Variants in WIPI1 observed in about 807,000 individuals in gnomAD.
The protein encoded by WIPI1 is WD repeat domain phosphoinositide-interacting protein 1.
WIPI1 carries 45 observed loss-of-function variants against 55.3 expected under a neutral mutation model. That is an observed-to-expected ratio of 0.81 (90% confidence interval 0.64 to 1.04). The LOEUF (loss-of-function observed/expected upper bound fraction) is 1.04, where lower values mean the gene tolerates loss of function less well. WIPI1 is among the 50% of genes least tolerant of loss of function. The pLI, the probability that WIPI1 is intolerant of heterozygous loss-of-function variation, is 0.00. For synonymous variants in WIPI1, 195 were observed against 217.6 expected (o/e 0.90, Z 0.92); for missense variants, 445 against 559.0 (o/e 0.80, Z 2.06).
intron 4 of WIPI1, among the ~76,000 whole-genome samples, chr17:68,439,727 G>T (rs1303958716): frequency 1.3e-5 from 2 of 152,196 alleles, no homozygotes; most frequent in African/African-American, 4.8e-5. Context: ...CAAGACTGAG[G>T]TCTGCTATGT....
chr17:68,443,901 T>C (rs1434465507), intron 4 of WIPI1, among the ~76,000 whole-genome samples: 4 of 152,250 alleles, frequency 2.6e-5, no homozygotes, highest in African/African-American at 9.6e-5. Context: ...TGAATTCATA[T>C]AATGTCATCT....
chr17:68,424,404 C>T (rs1306276898), intron 12 of WIPI1: 4 of 532,438 alleles, frequency 7.5e-6, no homozygotes, highest in South Asian at 1.4e-5. Context: ...GAGGGTTCCA[C>T]GGATCTGCGG....
At chr17:68,453,479 CTTT>C (rs112934024) in intron 1 of WIPI1, among the ~76,000 whole-genome samples, 12 of 136,186 alleles carry the variant, frequency 8.8e-5, no homozygotes, top group Admixed American at 1.5e-4. Context: ...TTTTCTTTTC[CTTT>C]TTTTTTTTTT....
intron 3 of WIPI1, among the ~76,000 whole-genome samples, chr17:68,448,685 T>C (rs1477531052): frequency 6.6e-6 from 1 of 152,230 alleles, no homozygotes; most frequent in Non-Finnish European, 1.5e-5. Context: ...ACAGATCATT[T>C]GCCTAAACAA....
intron 12 of WIPI1, 131 bp downstream of exon 12, chr17:68,425,944 A>G (rs2083139237): frequency 1.4e-6 from 1 of 715,000 alleles, no homozygotes; most frequent in East Asian, 2.7e-5. Flanking sequence ...ATGGCTTTCC[A>G]AATACTAGAG....
intron 7 of WIPI1, among the ~76,000 whole-genome samples, 189 bp from the exon 8 acceptor site, chr17:68,433,764 T>G (rs1369218790): frequency 0.036 from 465 of 12,788 alleles, 14 homozygotes; most frequent in Non-Finnish European, 0.051. Context: ...GTCATAGTTT[T>G]TTTTTTTTTT....
In WIPI1 at chr17:68,430,012, T is replaced by C. The variant is rs1223198938; in HGVS notation, c.949A>G (p.Ile317Val). 1.2e-6 allele frequency: 2 copies of C among 1,614,152 alleles called. No individual in the cohort carries two copies. The highest frequency in any genetic ancestry group is 2.2e-5 in the South Asian group (2 of 91,080). Residue 317 changes from isoleucine to valine, a missense_variant, in exon 9 of 13, where the codon ATC becomes GTC. By Grantham distance (29) the Ile-to-Val change is conservative. Coordinates refer to ENST00000262139, the MANE Select transcript of WIPI1 (RefSeq NM_017983.7). ...TGTACGTACGTTGAGAGGGTACAGA[T>C]GTTCCTCTGTCCGGAGAAGTTCAAG... ...ARLNFSGQRN[I>V]CTLSTIQKLP... is the part of the protein sequence containing the mutation.
chr17:68,428,757 C>A lies in WIPI1; in HGVS notation c.1073+72G>T, dbSNP rs755713212. 4.2e-6 allele frequency: 5 copies of A among 1,204,056 alleles called. No individual in the cohort carries two copies. The Admixed American group carries it at 5.6e-5, about 13-fold the overall frequency. The allele number at this position is 1,204,056 out of a possible 1,614,324, so 74.6% of individuals were successfully genotyped here. A position where few individuals can be genotyped will look rare whatever the true frequency, so the allele number is the denominator to read the frequency against. On this transcript the variant is annotated intron_variant, in intron 10 of 12. Transcript: ENST00000262139. ...TCAATGCAAGGGCACTGAAGCTTGT[C>A]GTTCTTGGCGAAGGGACAACTCTAC...
intron 8 of WIPI1, among the ~76,000 whole-genome samples, chr17:68,432,250 G>A (rs879637270): frequency 1.3e-4 from 20 of 152,064 alleles, no homozygotes; most frequent in South Asian, 2.1e-4. Context: ...ATGAGGGGAC[G>A]TCAGTCCCAT....
At chr17:68,431,971 G>C (rs1278726234) in intron 8 of WIPI1, among the ~76,000 whole-genome samples, 1 of 152,182 alleles carries the variant, frequency 6.6e-6, no homozygotes, top group African/African-American at 2.4e-5. Flanking sequence ...CCGCCCTCTA[G>C]TGCTCAAACC....
intron 3 of WIPI1, among the ~76,000 whole-genome samples, chr17:68,445,455 G>A (rs970936914): frequency 1.3e-5 from 2 of 152,184 alleles, no homozygotes; most frequent in Non-Finnish European, 2.9e-5. Flanking sequence ...CTCCAGGCCT[G>A]CTTTTGGGCC....
Position 68,436,467 on chromosome 17 carries a change from A to G in WIPI1, c.443T>C (p.Leu148Pro). ...GTAAGAATTGGAATGGTTGATAGAG[A>G]GAGCACATAGACCTGGCAAAGAAGA... ...IPANPTGLCA[L>P]SINHSNSYLA... is the part of the protein sequence containing the mutation. The change falls in exon 5 of 13, where the codon CTC becomes CCC. Residue 148 changes from leucine to proline, a missense_variant. Transcript: ENST00000262139. The G allele has an allele frequency of 6.2e-7, 1 of 1,613,890 alleles. No individual in the cohort carries two copies. Among genetic ancestry groups the G allele is most frequent in the Non-Finnish European group, 8.5e-7 (1 of 1,179,828 alleles).
At position 68,421,591 on chromosome 17, in the gene WIPI1, C is replaced by CA. The variant is rs2082777600; in HGVS notation, c.*181dup. ...ATACAATGTCTCCCGCGCCCATTGGCAACCAGGGTCGTGGGAAGCTTGGTG... is the reference window on the plus strand; with the variant it reads ...ATACAATGTCTCCCGCGCCCATTGGCAAACCAGGGTCGTGGGAAGCTTGGTG... On this transcript the variant is annotated 3_prime_UTR_variant, in exon 13 of 13. Transcript: ENST00000262139. 1 of 745,458 alleles carries CA rather than the reference C, an allele frequency of 1.3e-6. No homozygotes were observed. Among genetic ancestry groups the CA allele is most frequent in the Admixed American group, 2.3e-5 (1 of 44,200 alleles). 46.2% of individuals were successfully genotyped at this position (745,458 alleles called of 1,614,324 possible). A position where few individuals can be genotyped will look rare whatever the true frequency, so the allele number is the denominator to read the frequency against.
At chr17:68,426,297 C>T (rs535620726) in intron 11 of WIPI1, 122 bp from the exon 12 acceptor site, 4 of 763,216 alleles carry the variant, frequency 5.2e-6, no homozygotes, top group East Asian at 5.3e-5. Context: ...GTCTGTCTTC[C>T]CCCTGGAGGT....
intron 11 of WIPI1, 66 bp from the exon 12 acceptor site, chr17:68,426,241 G>GTT (rs1177906829): frequency 9.0e-7 from 1 of 1,107,564 alleles, no homozygotes; most frequent in Non-Finnish European, 1.3e-6. Context: ...GACCTGGCGG[G>GTT]TGGGGAGCGG....
At chr17:68,436,502 T>G (rs780803618) in intron 4 of WIPI1, 23 bp from the exon 5 acceptor site, 1 of 1,608,026 alleles carries the variant, frequency 6.2e-7, no homozygotes, top group Non-Finnish European at 8.5e-7. Flanking sequence ...AAACAGAACA[T>G]GAGAAGCCTG....
intron 7 of WIPI1, 37 bp downstream of exon 7, chr17:68,434,519 C>T (rs375421089): frequency 3.2e-5 from 52 of 1,610,266 alleles, no homozygotes; most frequent in African/African-American, 1.5e-4. Flanking sequence ...GGGACTTCTG[C>T]GGGGACTTTA....
intron 4 of WIPI1, among the ~76,000 whole-genome samples, chr17:68,442,161 T>C (rs2084105217): frequency 6.6e-6 from 1 of 152,102 alleles, no homozygotes. Context: ...CTATATTTGC[T>C]AAAAAATAAG....
At chr17:68,421,916 G>A in intron 12 of WIPI1, 96 bp from the exon 13 acceptor site, 1 of 1,500,888 alleles carries the variant, frequency 6.7e-7, no homozygotes, top group Non-Finnish European at 9.3e-7. Context: ...AGAGTGAGCA[G>A]GGAGAGGCTG....
Sources: gnomAD v4.1 joint callset for allele counts (sites outside exome capture counted in the v4.1 genomes callset) on GRCh38, gnomAD v4.1.1 for gene constraint, MANE v1.5 for transcripts, NCBI Gene and HGNC (gene_info 2026-07-23, HGNC 2026-07-21) for gene names.